CEP192: variants seen among roughly 807,000 people sequenced by gnomAD.
The protein encoded by CEP192 is centrosomal protein 192, also known as centrosomal protein of 192 kDa.
A neutral mutation model predicts 271.8 loss-of-function variants in CEP192; 151 were observed. That is an observed-to-expected ratio of 0.56 (90% CI 0.49 to 0.64). The LOEUF (loss-of-function observed/expected upper bound fraction) is 0.64, where lower values mean the gene tolerates loss of function less well. CEP192 is among the 30% of genes least tolerant of loss of function. The pLI is 0.00. For missense variants in CEP192, 2,910 were observed against 3,020.5 expected (o/e 0.96, Z 0.86); for synonymous variants, 995 against 1,076.5 (o/e 0.92, Z 1.48).
At chr18:13,065,776 CTT>C (rs955844152) in intron 21 of CEP192, among the ~76,000 whole-genome samples, 4 of 152,146 alleles carry the variant, frequency 2.6e-5, no homozygotes, top group African/African-American at 7.2e-5. Context: ...AAATAGGACT[CTT>C]ATATAACATC....
In CEP192 at chr18:13,072,737, A is replaced by G. The variant is rs751835238; in HGVS notation, c.5349-18A>G. On this transcript the variant is annotated intron_variant, in intron 28 of 44. Coordinates refer to ENST00000506447, the MANE Select transcript of CEP192 (RefSeq NM_032142.4). ...TCCATGGAGAAAAACCATATTTAAA[A>G]TGTCTAATTGTTTTTAGGCTTCAGA... 1.3e-6 allele frequency: 2 copies of G among 1,509,538 alleles called. No individual in the cohort carries two copies. The highest frequency in any genetic ancestry group is 1.8e-6 in the Non-Finnish European group (2 of 1,084,946). The allele number at this position is 1,509,538 out of a possible 1,614,324, so 93.5% of individuals were successfully genotyped here.
chr18:13,115,022 G>A (rs974394575), intron 42 of CEP192, among the ~76,000 whole-genome samples: 3 of 152,166 alleles, frequency 2.0e-5, no homozygotes, highest in Non-Finnish European at 2.9e-5. Flanking sequence ...TTCTTGAGGA[G>A]GATGCCTGGA....
intron 19 of CEP192, 137 bp downstream of exon 19, chr18:13,056,835 C>A: frequency 9.1e-6 from 7 of 765,350 alleles, no homozygotes; most frequent in Non-Finnish European, 1.5e-5. Context: ...CTGAGAACAC[C>A]GTGTATTTCT....
At chr18:13,032,935 A>T (rs542653380) in intron 11 of CEP192, among the ~76,000 whole-genome samples, 2 of 152,218 alleles carry the variant, frequency 1.3e-5, no homozygotes, top group Non-Finnish European at 2.9e-5. Context: ...CACACACTCT[A>T]TAGTTCTATT....
At chr18:13,053,138 A>C in intron 18 of CEP192, 48 bp downstream of exon 18, 1 of 1,447,026 alleles carries the variant, frequency 6.9e-7, no homozygotes, top group African/African-American at 1.4e-5. Context: ...CAACTCTTAA[A>C]AGTGTTAACA....
intron 18 of CEP192, among the ~76,000 whole-genome samples, chr18:13,054,417 C>T (rs1404834390): frequency 1.3e-5 from 2 of 152,196 alleles, no homozygotes; most frequent in African/African-American, 4.8e-5. Context: ...AGTCTTCCTC[C>T]ACCAAGCCAC....
At chr18:13,071,252 A>T in intron 28 of CEP192, 40 bp downstream of exon 28, 1 of 1,544,664 alleles carries the variant, frequency 6.5e-7, no homozygotes, top group Non-Finnish European at 8.9e-7. Context: ...CTATTTATAC[A>T]TATTTTGGAG....
chr18:13,097,164 C>T (rs2039439922), intron 36 of CEP192, among the ~76,000 whole-genome samples: 1 of 152,164 alleles, frequency 6.6e-6, no homozygotes, highest in African/African-American at 2.4e-5. Flanking sequence ...TTCTCATGTG[C>T]CACACACCCT....
chr18:13,077,900 C>T (rs1170475296), intron 30 of CEP192, among the ~76,000 whole-genome samples: 1 of 152,140 alleles, frequency 6.6e-6, no homozygotes, highest in Non-Finnish European at 1.5e-5. Flanking sequence ...TCTTCTCCCA[C>T]ATATCCATCC....
chr18:13,114,117 T>A lies in CEP192; in HGVS notation c.7168-13T>A, dbSNP rs773449067. 6.2e-7 allele frequency: 1 copy of A among 1,606,028 alleles called. No individual in the cohort carries two copies. The highest frequency in any genetic ancestry group is 8.5e-7 in the Non-Finnish European group (1 of 1,177,990). ...TTATTTCTTCTCCGTTACCCTGTGA[T>A]TTTTCTGTATAGAGCATCGAAGCAG... On this transcript the variant is annotated splice_polypyrimidine_tract_variant and intron_variant, in intron 41 of 44. Transcript: ENST00000506447.
At chr18:13,113,564 C>G (rs774306040) in intron 40 of CEP192, 22 bp from the exon 41 acceptor site, 6 of 1,610,238 alleles carry the variant, frequency 3.7e-6, no homozygotes, top group Admixed American at 1.7e-5. Context: ...GTCTAAATTT[C>G]TCTTCTGTAT....
chr18:13,079,926 G>T (rs1441520786), intron 30 of CEP192, among the ~76,000 whole-genome samples: 1 of 152,120 alleles, frequency 6.6e-6, no homozygotes, highest in Non-Finnish European at 1.5e-5. Context: ...TGTCAGGTTT[G>T]TCAGAGATCA....
intron 3 of CEP192, among the ~76,000 whole-genome samples, chr18:13,005,713 T>C (rs1029191317): frequency 2.0e-5 from 3 of 152,236 alleles, no homozygotes; most frequent in Non-Finnish European, 4.4e-5. Context: ...GACACTATAC[T>C]GGAGGGTCAG....
chr18:13,030,387 T>G, intron 10 of CEP192, 78 bp from the exon 11 acceptor site: 3 of 1,327,228 alleles, frequency 2.3e-6, no homozygotes, highest in Non-Finnish European at 3.0e-6. Context: ...GTCATCTGAA[T>G]TTAAAAAAAA....
chr18:13,072,884 T>G (rs2038084523), intron 29 of CEP192, 39 bp downstream of exon 29: 1 of 1,554,208 alleles, frequency 6.4e-7, no homozygotes, highest in Admixed American at 1.7e-5. Flanking sequence ...GTCTTCTGTC[T>G]GGGTCTGGAA....
intron 4 of CEP192, among the ~76,000 whole-genome samples, chr18:13,010,095 A>G (rs1003316313): frequency 2.6e-5 from 4 of 152,050 alleles, no homozygotes; most frequent in Admixed American, 6.5e-5. Context: ...GGTCAAGGTG[A>G]TCATGCCATT....
intron 4 of CEP192, among the ~76,000 whole-genome samples, chr18:13,010,380 C>T (rs968527006): frequency 1.4e-4 from 22 of 151,954 alleles, no homozygotes; most frequent in Admixed American, 8.5e-4. Flanking sequence ...AATGAGTACA[C>T]ATTATATGTT....
chr18:12,998,849 G>T (rs1303430410), intron 1 of CEP192, among the ~76,000 whole-genome samples: 1 of 152,166 alleles, frequency 6.6e-6, no homozygotes, highest in Non-Finnish European at 1.5e-5. Context: ...TTGTGCTGGT[G>T]TTTTCCAGAT....
rs188110536 is a variant in CEP192, at chr18:13,063,088, A to G, written c.4488+3776A>G. Among the ~76,000 whole-genome samples the G allele has an allele frequency of 5.9e-5, 9 of 152,308 alleles. No individual in the cohort carries two copies. In the East Asian group the frequency reaches 1.2e-3, roughly 20 times the overall value. ...TCTTCCTATGGCTGAATCGTACTCC[A>G]TTGTGTATATGTACCACGTTTTCTT... On this transcript the variant is annotated intron_variant, in intron 21 of 44. Transcript: ENST00000506447.
Sources: allele counts gnomAD v4.1 joint callset (sites outside exome capture counted in the v4.1 genomes callset), GRCh38; gene constraint gnomAD v4.1.1; transcripts MANE v1.5; gene names NCBI Gene and HGNC (gene_info 2026-07-23, HGNC 2026-07-21).